WDPCP: variants seen among roughly 807,000 people sequenced by gnomAD.
The protein encoded by WDPCP is WD repeat containing planar cell polarity effector.
WDPCP carries 71 observed loss-of-function variants against 93.1 expected under a neutral mutation model. The observed-to-expected ratio is 0.76, with a 90% confidence interval of 0.63 to 0.93. WDPCP has a LOEUF of 0.93. WDPCP is among the 40% of genes least tolerant of loss of function. The probability of loss-of-function intolerance (pLI) is 0.00; values close to 1 mark genes in which losing one functional copy is unlikely to be tolerated. For synonymous variants in WDPCP, 315 were observed against 315.0 expected, an observed-to-expected ratio of 1.00 and a Z score of 0.00; for missense variants, 844 against 887.4, an observed-to-expected ratio of 0.95 and a Z score of 0.62.
chr2:63,341,257 T>C (rs1321283204), intron 12 of WDPCP, among the ~76,000 whole-genome samples: 1 of 152,164 alleles, frequency 6.6e-6, no homozygotes, highest in Non-Finnish European at 1.5e-5. Context: ...GCCTCCTGAG[T>C]AGCTGGGACT....
chr2:63,764,707 T>A (rs1468151927), intron 2 of WDPCP, among the ~76,000 whole-genome samples: 1 of 152,124 alleles, frequency 6.6e-6, no homozygotes, highest in African/African-American at 2.4e-5. Flanking sequence ...GTAAAGGGGC[T>A]TTCGTTTATT....
intron 6 of WDPCP, among the ~76,000 whole-genome samples, chr2:63,448,773 T>C (rs1207847254): frequency 1.3e-5 from 2 of 152,098 alleles, no homozygotes; most frequent in Non-Finnish European, 2.9e-5. Flanking sequence ...GAAAGACAAA[T>C]ACTGCATGAT....
intron 14 of WDPCP, among the ~76,000 whole-genome samples, chr2:63,241,553 T>C (rs1430641185): frequency 6.6e-6 from 1 of 152,150 alleles, no homozygotes; most frequent in East Asian, 1.9e-4. Context: ...ATGTATCACC[T>C]CTTGGATAGA....
intron 1 of WDPCP, among the ~76,000 whole-genome samples, chr2:63,527,790 G>A (rs1349817314): frequency 1.3e-5 from 2 of 151,980 alleles, no homozygotes; most frequent in East Asian, 1.9e-4. Flanking sequence ...TTGAGGAATC[G>A]CCACACTGTC....
chr2:63,332,909 T>A (rs1417561434), intron 12 of WDPCP, among the ~76,000 whole-genome samples: 3 of 152,142 alleles, frequency 2.0e-5, no homozygotes, highest in African/African-American at 7.2e-5. Context: ...CTCGACCTAT[T>A]TTTTCCATGT....
At chr2:63,678,707 C>T (rs894120468) in intron 2 of WDPCP, among the ~76,000 whole-genome samples, 3 of 152,344 alleles carry the variant, frequency 2.0e-5, no homozygotes, top group Non-Finnish European at 4.4e-5. Flanking sequence ...AGGATGAAAG[C>T]GATTCTGCTA....
At chr2:63,787,419 A>G (rs1356655515) in intron 2 of WDPCP, among the ~76,000 whole-genome samples, 1 of 152,174 alleles carries the variant, frequency 6.6e-6, no homozygotes, top group Non-Finnish European at 1.5e-5. Flanking sequence ...TGGTAAAACT[A>G]CTGGACAAAA....
At chr2:63,550,970 C>T (rs945379678) in intron 1 of WDPCP, among the ~76,000 whole-genome samples, 4 of 152,078 alleles carry the variant, frequency 2.6e-5, no homozygotes, top group Admixed American at 2.0e-4. Context: ...TACTATCATT[C>T]ATTCAATTGC....
At chr2:63,421,660 G>A (rs78100855) in intron 9 of WDPCP, among the ~76,000 whole-genome samples, 3,394 of 152,278 alleles carry the variant, frequency 0.022, 51 homozygotes, top group South Asian at 0.037. Flanking sequence ...TAATTCTGGA[G>A]AGTTGTCACG....
At chr2:63,232,274 A>G (rs1678976630) in intron 14 of WDPCP, among the ~76,000 whole-genome samples, 1 of 152,254 alleles carries the variant, frequency 6.6e-6, no homozygotes, top group South Asian at 2.1e-4. Context: ...GGCATGGCCA[A>G]GGACTTTGAG....
chr2:63,277,124 A>T (rs569703596), intron 13 of WDPCP, among the ~76,000 whole-genome samples: 4 of 152,198 alleles, frequency 2.6e-5, no homozygotes, highest in Non-Finnish European at 5.9e-5. Context: ...ATCCAGAGAA[A>T]CTATGCTTCA....
chr2:63,455,438 A>G (rs1182610687), intron 6 of WDPCP, among the ~76,000 whole-genome samples: 1 of 148,500 alleles, frequency 6.7e-6, no homozygotes, highest in African/African-American at 2.5e-5. Context: ...ATATATATAT[A>G]TACACACACA....
intron 12 of WDPCP, among the ~76,000 whole-genome samples, chr2:63,340,200 A>G (rs1250208976): frequency 1.3e-5 from 2 of 152,054 alleles, no homozygotes; most frequent in African/African-American, 4.8e-5. Context: ...TTTTTGGCTC[A>G]AGGTGGCTCT....
chr2:63,484,781 T>C, intron 5 of WDPCP, 118 bp from the exon 6 acceptor site: 2 of 1,500,186 alleles, frequency 1.3e-6, no homozygotes, highest in African/African-American at 1.4e-5. Context: ...GATCCAACTG[T>C]TTTGGAACTC....
chr2:63,578,183 G>A (rs974907940), intron 1 of WDPCP, among the ~76,000 whole-genome samples: 2 of 152,160 alleles, frequency 1.3e-5, no homozygotes, highest in East Asian at 3.8e-4. Flanking sequence ...AACAATTTTA[G>A]TGAATAATAC....
intron 3 of WDPCP, among the ~76,000 whole-genome samples, chr2:63,648,984 A>G (rs533008168): frequency 6.6e-5 from 10 of 152,220 alleles, no homozygotes; most frequent in Non-Finnish European, 1.3e-4. Context: ...TTTTGGGCCC[A>G]AGTACAATAC....
chr2:63,161,828 A>T (rs1045660271), intron 15 of WDPCP, among the ~76,000 whole-genome samples: 2 of 150,450 alleles, frequency 1.3e-5, no homozygotes, highest in African/African-American at 4.9e-5. Flanking sequence ...CGGTGGCACG[A>T]TCTCAATTCA....
chr2:63,344,752 A>T (rs1253350344), intron 12 of WDPCP, among the ~76,000 whole-genome samples: 1 of 152,176 alleles, frequency 6.6e-6, no homozygotes, highest in East Asian at 1.9e-4. Context: ...ATGTGAAAAA[A>T]CCGAACCTCT....
chr2:63,641,737 A>G (rs1202256983), intron 3 of WDPCP, among the ~76,000 whole-genome samples: 1 of 152,068 alleles, frequency 6.6e-6, no homozygotes, highest in African/African-American at 2.4e-5. Flanking sequence ...CTCCCATTCT[A>G]GTAGTTGTCT....
Sources: allele counts gnomAD v4.1 joint callset (sites outside exome capture counted in the v4.1 genomes callset), GRCh38; gene constraint gnomAD v4.1.1; transcripts MANE v1.5; gene names NCBI Gene and HGNC (gene_info 2026-07-23, HGNC 2026-07-21).